FHIT: variants seen among roughly 807,000 people sequenced by gnomAD.
The protein encoded by FHIT is bis(5'-adenosyl)-triphosphatase.
Under a neutral mutation model 17.9 loss-of-function variants are expected in FHIT, and 19 were observed. The observed-to-expected ratio is 1.06, with a 90% CI of 0.74 to 1.56. The LOEUF (loss-of-function observed/expected upper bound fraction) is 1.56, where lower values mean the gene tolerates loss of function less well. Ranked by LOEUF, FHIT falls within the 40% of genes most tolerant of loss-of-function variation. The probability of loss-of-function intolerance (pLI) is 0.00; values close to 1 mark genes in which losing one functional copy is unlikely to be tolerated. For synonymous variants in FHIT, 81 were observed against 69.7 expected (o/e 1.16, Z -0.81); for missense variants, 248 against 189.2 (o/e 1.31, Z -1.82).
intron 5 of FHIT, among the ~76,000 whole-genome samples, chr3:60,348,274 T>C (rs1213275135): frequency 6.6e-6 from 1 of 152,230 alleles, no homozygotes; most frequent in Non-Finnish European, 1.5e-5. Context: ...GGTTGTTAAT[T>C]ATTGCTGCTT....
At chr3:60,383,504 A>C (rs1700890482) in intron 5 of FHIT, among the ~76,000 whole-genome samples, 1 of 152,086 alleles carries the variant, frequency 6.6e-6, no homozygotes, top group Non-Finnish European at 1.5e-5. Context: ...GATTCTGCTA[A>C]ATATACTTCA....
At chr3:60,713,564 A>G (rs2041599361) in intron 4 of FHIT, among the ~76,000 whole-genome samples, 1 of 151,992 alleles carries the variant, frequency 6.6e-6, no homozygotes, top group Non-Finnish European at 1.5e-5. Context: ...GAGAAGAATC[A>G]AATAGACACA....
chr3:60,698,105 A>G (rs188280292), intron 4 of FHIT, among the ~76,000 whole-genome samples: 120 of 152,318 alleles, frequency 7.9e-4, no homozygotes, highest in Middle Eastern at 6.8e-3. Flanking sequence ...GGCAAGGAGA[A>G]TACAATTAAA....
At chr3:59,974,379 G>T (rs913834696) in intron 7 of FHIT, among the ~76,000 whole-genome samples, 1 of 152,110 alleles carries the variant, frequency 6.6e-6, no homozygotes, top group African/African-American at 2.4e-5. Flanking sequence ...AAATGTGTTG[G>T]TTAGATGCTT....
chr3:60,529,544 T>C (rs1348653378), intron 5 of FHIT, among the ~76,000 whole-genome samples: 1 of 152,246 alleles, frequency 6.6e-6, no homozygotes, highest in Non-Finnish European at 1.5e-5. Context: ...TGTATTATTA[T>C]TCCATTCATT....
chr3:60,038,043 A>C (rs1701291869), intron 5 of FHIT, among the ~76,000 whole-genome samples: 1 of 152,152 alleles, frequency 6.6e-6, no homozygotes, highest in Non-Finnish European at 1.5e-5. Context: ...GAGAATAAAT[A>C]AACACCCAAA....
chr3:59,969,384 A>G (rs970037215), intron 7 of FHIT, among the ~76,000 whole-genome samples: 1 of 152,128 alleles, frequency 6.6e-6, no homozygotes, highest in African/African-American at 2.4e-5. Context: ...ATCCATACAA[A>G]ACAGTCCCCA....
chr3:61,204,409 G>A (rs57080463), intron 1 of FHIT, among the ~76,000 whole-genome samples: 6,094 of 152,068 alleles, frequency 0.04, 178 homozygotes, highest in African/African-American at 0.075. Context: ...CTCTATTTCC[G>A]AATTTTAAAA....
At chr3:60,098,337 G>A in intron 5 of FHIT, among the ~76,000 whole-genome samples, 1 of 147,896 alleles carries the variant, frequency 6.8e-6, no homozygotes, top group South Asian at 2.3e-4. Flanking sequence ...CACCAACAGT[G>A]TAAAAGTGTT....
At chr3:60,330,440 A>T (rs1344484170) in intron 5 of FHIT, among the ~76,000 whole-genome samples, 3 of 152,166 alleles carry the variant, frequency 2.0e-5, no homozygotes, top group Non-Finnish European at 2.9e-5. Context: ...CACCGGTATA[A>T]AGAAATCCAA....
At position 60,860,650 on chromosome 3, in the gene FHIT, C is replaced by CATATATATCAGGTATATATGTACAT. The variant is rs1410312641; in HGVS notation, c.-110-38640_-110-38639insATGTACATATATACCTGATATATAT. On this transcript the variant is annotated intron_variant, in intron 3 of 9. Coordinates refer to ENST00000492590, the MANE Select transcript of FHIT (RefSeq NM_002012.4). ...ATCAGGTATATATGATACATATGTACATATATCAGGTATATATGTACATAT... is the reference window on the plus strand; with the variant it reads ...ATCAGGTATATATGATACATATGTACATATATATCAGGTATATATGTACATATATATCAGGTATATATGTACATAT... Among the ~76,000 whole-genome samples the CATATATATCAGGTATATATGTACAT allele has an allele frequency of 9.9e-4, 26 of 26,224 alleles. 4 individuals carry two copies. Among genetic ancestry groups the CATATATATCAGGTATATATGTACAT allele is most frequent in the African/African-American group, 1.7e-3 (26 of 15,510 alleles). The allele number at this position is 26,224 out of a possible 152,430, so 17.2% of individuals were successfully genotyped here.
intron 5 of FHIT, among the ~76,000 whole-genome samples, chr3:60,279,061 T>C (rs551601064): frequency 3.3e-5 from 5 of 151,714 alleles, no homozygotes; most frequent in Non-Finnish European, 5.9e-5. Flanking sequence ...ACATTGAAAA[T>C]AGGAAATCAA....
chr3:60,899,483 C>T (rs1483226388), intron 3 of FHIT, among the ~76,000 whole-genome samples: 1 of 152,142 alleles, frequency 6.6e-6, no homozygotes, highest in African/African-American at 2.4e-5. Context: ...TATATTAAAT[C>T]AAGATTAATA....
intron 5 of FHIT, among the ~76,000 whole-genome samples, chr3:60,390,063 G>A (rs192173336): frequency 6.6e-6 from 1 of 152,242 alleles, no homozygotes; most frequent in Admixed American, 6.5e-5. Context: ...TTGATGAAGT[G>A]ACATTTATCT....
intron 5 of FHIT, among the ~76,000 whole-genome samples, chr3:60,426,449 C>T (rs1280907858): frequency 3.3e-5 from 5 of 152,028 alleles, no homozygotes; most frequent in Admixed American, 3.3e-4. Flanking sequence ...CTAGACCATA[C>T]TAAAGATTAA....
rs572300550 is a variant in FHIT, at chr3:61,204,766, G to T, written c.-212-4101C>A. On this transcript the variant is annotated intron_variant, in intron 1 of 9. Transcript: ENST00000492590. ...AAAAAAGCTGACGGAATAAGTTATT[G>T]TTAGGCATGACGAAAGTTAGCAATA... Among the ~76,000 whole-genome samples, 14 of 152,268 alleles carry T rather than the reference G, an allele frequency of 9.2e-5. No individual in the cohort carries two copies. The East Asian group carries it at 1.5e-3, about 17-fold the overall frequency.
intron 4 of FHIT, among the ~76,000 whole-genome samples, chr3:60,576,801 A>G (rs1559553267): frequency 1.3e-5 from 2 of 152,106 alleles, no homozygotes; most frequent in African/African-American, 2.4e-5. Context: ...TTTCCATGTA[A>G]CAGACAGGGT....
intron 2 of FHIT, among the ~76,000 whole-genome samples, chr3:61,044,541 C>T (rs1388871384): frequency 6.6e-6 from 1 of 151,916 alleles, no homozygotes; most frequent in Non-Finnish European, 1.5e-5. Context: ...AGAATGGAAC[C>T]AAGTTGGAAA....
intron 5 of FHIT, among the ~76,000 whole-genome samples, chr3:60,368,202 A>G (rs528763792): frequency 2.6e-3 from 396 of 151,354 alleles, no homozygotes; most frequent in African/African-American, 9.0e-3. Flanking sequence ...TTTTAAAAAA[A>G]AAAAAAAAAA....
Sources: allele counts gnomAD v4.1 joint callset (sites outside exome capture counted in the v4.1 genomes callset), GRCh38; gene constraint gnomAD v4.1.1; transcripts MANE v1.5; gene names NCBI Gene and HGNC (gene_info 2026-07-23, HGNC 2026-07-21).